TMEM182: variants seen among roughly 807,000 people sequenced by gnomAD.
TMEM182 encodes the protein transmembrane protein 182.
TMEM182 carries 20 observed loss-of-function variants against 26.8 expected under a neutral mutation model. That is an observed-to-expected ratio of 0.75 (90% CI 0.53 to 1.09). The LOEUF (loss-of-function observed/expected upper bound fraction) is 1.09, where lower values mean the gene tolerates loss of function less well. Ranked by LOEUF, TMEM182 falls within the 50% of genes least tolerant of loss-of-function variation. The probability of loss-of-function intolerance (pLI) is 0.00; values close to 1 mark genes in which losing one functional copy is unlikely to be tolerated. For missense variants in TMEM182, 277 were observed against 275.5 expected (o/e 1.01, Z -0.04); for synonymous variants, 109 against 102.2 (o/e 1.07, Z -0.40).
At chr2:102,800,800 TG>T in intron 4 of TMEM182, among the ~76,000 whole-genome samples, 1 of 34,908 alleles carries the variant, frequency 2.9e-5, no homozygotes, top group Admixed American at 3.3e-4. Flanking sequence ...GGACAGTTTG[TG>T]TGTGTGTGTG....
chr2:102,791,228 G>GTAAT (rs1173519136), intron 3 of TMEM182, among the ~76,000 whole-genome samples: 1 of 152,096 alleles, frequency 6.6e-6, no homozygotes, highest in East Asian at 1.9e-4. Context: ...GAGCCACCGT[G>GTAAT]CCCAGCCTGT....
chr2:102,834,424 G>A lies in TMEM182; in HGVS notation c.326-8988G>A, dbSNP rs183497822. 17 of 985,330 alleles carry A rather than the reference G, an allele frequency of 1.7e-5. No homozygotes were observed. The East Asian group carries it at 1.5e-3, about 86-fold the overall frequency. The allele number at this position is 985,330 out of a possible 1,614,324, so 61.0% of individuals were successfully genotyped here. A position where few individuals can be genotyped will look rare whatever the true frequency, so the allele number is the denominator to read the frequency against. On this transcript the variant is annotated intron_variant, in intron 3 of 3. Coordinates refer to the TMEM182 transcript ENST00000486293. ...CTGTAAACAGAAATCTAGAAGATGG[G>A]GGGATGGAAGTGAAGTGGAATGTAA... is the stretch of plus-strand genomic sequence containing the variant.
At position 102,815,890 on chromosome 2, in the gene TMEM182, A is replaced by G. The variant is rs1476192182; in HGVS notation, c.*922A>G. On this transcript the variant is annotated 3_prime_UTR_variant, in exon 5 of 5. Transcript: ENST00000412401. ...ATATAAACTTTCAACGTACTTCCAT[A>G]TGAGGATTATAATAGCCCTGCTTTA... 1.1e-6 allele frequency: 1 copy of G among 934,658 alleles called. No individual in the cohort carries two copies. The highest frequency in any genetic ancestry group is 1.8e-5 in the African/African-American group (1 of 56,058). 57.9% of individuals were successfully genotyped at this position (934,658 alleles called of 1,614,324 possible).
chr2:102,764,463 G>C, intron 3 of TMEM182, 36 bp downstream of exon 3: 4 of 1,571,346 alleles, frequency 2.5e-6, no homozygotes, highest in Non-Finnish European at 3.5e-6. Flanking sequence ...CTTCTAAAAG[G>C]GTCTTATCTT....
At chr2:102,829,206 A>G (rs1683101172) in intron 3 of TMEM182, among the ~76,000 whole-genome samples, 1 of 152,146 alleles carries the variant, frequency 6.6e-6, no homozygotes, top group Admixed American at 6.6e-5. Context: ...TTCGACAGTG[A>G]TGGGCTATAC....
upstream of TMEM182, chr2:102,758,558 T>C: frequency 2.8e-6 from 2 of 705,058 alleles, no homozygotes; most frequent in Non-Finnish European, 5.3e-6. Context: ...ACAGGAAACA[T>C]GCACCCTGCT....
At chr2:102,766,536 AT>A (rs1211673911) in intron 3 of TMEM182, among the ~76,000 whole-genome samples, 2 of 152,214 alleles carry the variant, frequency 1.3e-5, no homozygotes, top group Non-Finnish European at 2.9e-5. Flanking sequence ...CCATAATAAT[AT>A]ACAAGGAAAT....
At chr2:102,758,455 A>G (rs763121288), upstream of TMEM182, 2 of 716,746 alleles carry the variant, frequency 2.8e-6, no homozygotes, top group South Asian at 3.0e-5. Flanking sequence ...GAAAAAAGAC[A>G]CCTTTTACCT....
Position 102,798,012 on chromosome 2 carries a change from G to T in TMEM182, c.469+12G>T. On this transcript the variant is annotated intron_variant, in intron 4 of 4. Transcript: ENST00000412401. ...ATATATTGCTGCAGGTACGTACGGT[G>T]CAATGGGTATGACTTTCAGCCACGG... 35 of 1,600,160 alleles carry T rather than the reference G, an allele frequency of 2.2e-5. No homozygotes were observed. Among genetic ancestry groups the T allele is most frequent in the Non-Finnish European group, 2.8e-5 (33 of 1,176,166 alleles).
downstream of TMEM182, among the ~76,000 whole-genome samples, chr2:102,821,528 A>T (rs569750020): frequency 3.3e-5 from 5 of 152,302 alleles, no homozygotes; most frequent in South Asian, 2.1e-4. Context: ...TCTCCCTAGA[A>T]GCTGAGCAAA....
At chr2:102,809,084 A>G (rs1682453312) in intron 4 of TMEM182, among the ~76,000 whole-genome samples, 1 of 152,258 alleles carries the variant, frequency 6.6e-6, no homozygotes. Context: ...AGAAAGAGGA[A>G]CAATAAACCT....
Position 102,767,618 on chromosome 2 carries a change from A to G in TMEM182, c.331+3191A>G, listed in dbSNP as rs540547896. ...TATGCTTAACTGGAATTGTTTGTTTACTTCAGTTCCTTCATTATTTATTTG... is the reference window on the plus strand; with the variant it reads ...TATGCTTAACTGGAATTGTTTGTTTGCTTCAGTTCCTTCATTATTTATTTG... On this transcript the variant is annotated intron_variant, in intron 3 of 4. Coordinates refer to ENST00000412401, the MANE Select transcript of TMEM182 (RefSeq NM_144632.5). 1.8e-4 allele frequency among the ~76,000 whole-genome samples: 28 copies of G among 152,148 alleles called. 1 individual carries two copies. Among genetic ancestry groups the G allele is most frequent in the Non-Finnish European group, 3.8e-4 (26 of 68,028 alleles).
rs116669930 is a variant in TMEM182 at position 102,804,055 on chromosome 2, G to A, written c.469+6055G>A. 1.3e-3 allele frequency among the ~76,000 whole-genome samples: 205 copies of A among 152,360 alleles called. 1 individual carries two copies. The highest frequency in any genetic ancestry group is 4.5e-3 in the African/African-American group (186 of 41,586). On this transcript the variant is annotated intron_variant, in intron 4 of 4. Coordinates refer to ENST00000412401, the MANE Select transcript of TMEM182 (RefSeq NM_144632.5). Reference sequence around the variant, plus strand: ...AAATAGCTGCACACTGTGGACAAGCGCAGGGAACTCCCTGGGAGGGGCTGG... The same window carrying A: ...AAATAGCTGCACACTGTGGACAAGCACAGGGAACTCCCTGGGAGGGGCTGG...
Position 102,814,935 on chromosome 2 carries a change from G to T in TMEM182, c.657G>T (p.Leu219=), listed in dbSNP as rs114369090. The change falls in exon 5 of 5, where the codon CTG becomes CTT. Residue 219 remains leucine (L), a synonymous_variant. Coordinates refer to ENST00000412401, the MANE Select transcript of TMEM182 (RefSeq NM_144632.5). ...FFSLLAGLLF[L]VVGWHIQIHH is the part of the protein sequence containing the mutation. Reference sequence around the variant, plus strand: ...CTTTGCTAGCTGGATTACTATTTCTGGTTGTTGGATGGCATATTCAGATAC... The same window carrying T: ...CTTTGCTAGCTGGATTACTATTTCTTGTTGTTGGATGGCATATTCAGATAC... The T allele has an allele frequency of 1.9e-5, 30 of 1,613,878 alleles. No homozygotes were observed. The African/African-American group carries it at 4.0e-4, about 22-fold the overall frequency.
chr2:102,777,467 C>T (rs1471181718), intron 3 of TMEM182, among the ~76,000 whole-genome samples: 3 of 149,162 alleles, frequency 2.0e-5, no homozygotes, highest in Non-Finnish European at 4.5e-5. Context: ...AGGTCTCTTT[C>T]TGGGCTCTCT....
intron 1 of TMEM182, among the ~76,000 whole-genome samples, chr2:102,754,495 T>C (rs1477357807): frequency 6.6e-6 from 1 of 152,180 alleles, no homozygotes; most frequent in Non-Finnish European, 1.5e-5. Flanking sequence ...GAATCTACAC[T>C]AAAATCTCCA....
intron 4 of TMEM182, among the ~76,000 whole-genome samples, chr2:102,811,408 G>A (rs1682551778): frequency 6.6e-6 from 1 of 152,060 alleles, no homozygotes; most frequent in Non-Finnish European, 1.5e-5. Context: ...TGTAGTATGA[G>A]GTTACTATTT....
chr2:102,783,360 T>G (rs1023976759), intron 3 of TMEM182, among the ~76,000 whole-genome samples: 1 of 152,202 alleles, frequency 6.6e-6, no homozygotes, highest in South Asian at 2.1e-4. Context: ...ACAATCTACA[T>G]GCTGGGACTC....
intron 3 of TMEM182, among the ~76,000 whole-genome samples, chr2:102,824,742 A>G (rs899862676): frequency 4.6e-5 from 7 of 152,066 alleles, no homozygotes; most frequent in Admixed American, 2.0e-4. Flanking sequence ...CAGGGGAATC[A>G]CTTGAACCCA....
Sources: gnomAD v4.1 joint callset for allele counts (sites outside exome capture counted in the v4.1 genomes callset) on GRCh38, gnomAD v4.1.1 for gene constraint, MANE v1.5 for transcripts, NCBI Gene and HGNC (gene_info 2026-07-23, HGNC 2026-07-21) for gene names.